DGKG: variants seen among roughly 807,000 people sequenced by gnomAD.
DGKG encodes the protein diacylglycerol kinase gamma, also known as DAG kinase gamma.
DGKG carries 78 observed loss-of-function variants against 105.3 expected under a neutral mutation model. The ratio of observed to expected loss-of-function variants is 0.74; its 90% CI spans 0.62 to 0.89. The LOEUF is 0.89. Ranked by LOEUF, DGKG falls within the 40% of genes least tolerant of loss-of-function variation. The pLI, the probability that DGKG is intolerant of heterozygous loss-of-function variation, is 0.00. For synonymous variants in DGKG, 346 were observed against 367.1 expected (o/e 0.94, Z 0.66); for missense variants, 958 against 1,020.1 (o/e 0.94, Z 0.83).
intron 1 of DGKG, among the ~76,000 whole-genome samples, chr3:186,350,925 CA>C (rs370576371): frequency 0.019 from 2,961 of 152,180 alleles, 97 homozygotes; most frequent in African/African-American, 0.068. Flanking sequence ...AGTTCTTTAT[CA>C]ATTTTTGAAT....
intron 21 of DGKG, among the ~76,000 whole-genome samples, chr3:186,194,577 C>T (rs567007603): frequency 6.6e-6 from 1 of 152,284 alleles, no homozygotes; most frequent in South Asian, 2.1e-4. Flanking sequence ...ATTCACCGTG[C>T]CACAGATTTG....
intron 3 of DGKG, among the ~76,000 whole-genome samples, chr3:186,306,106 C>A (rs1724223517): frequency 6.6e-6 from 1 of 152,078 alleles, no homozygotes; most frequent in Non-Finnish European, 1.5e-5. Context: ...AGGCCCTTGG[C>A]TATCTTGACT....
intron 22 of DGKG, among the ~76,000 whole-genome samples, chr3:186,180,474 TCAC>T (rs1204185398): frequency 4.6e-5 from 7 of 152,070 alleles, no homozygotes; most frequent in Non-Finnish European, 1.0e-4. Context: ...TCCCTAGGGG[TCAC>T]CTGTCTTGCT....
chr3:186,159,917 A>C (rs1716211389), intron 24 of DGKG: 1 of 152,388 alleles, frequency 6.6e-6, no homozygotes, highest in Non-Finnish European at 1.5e-5. Context: ...GTACAAACAC[A>C]GAGGAAAAGC....
chr3:186,262,895 G>A (rs1029630918), intron 14 of DGKG, among the ~76,000 whole-genome samples: 1 of 152,166 alleles, frequency 6.6e-6, no homozygotes, highest in Admixed American at 6.5e-5. Context: ...TTGGGAGGCC[G>A]GGGCAGGAGC....
chr3:186,176,013 A>G (rs1212998858), intron 22 of DGKG, among the ~76,000 whole-genome samples: 1 of 152,178 alleles, frequency 6.6e-6, no homozygotes, highest in African/African-American at 2.4e-5. Context: ...TTCAAAAAAT[A>G]AGCTCATTTG....
chr3:186,189,746 A>G (rs1040338568), intron 21 of DGKG, among the ~76,000 whole-genome samples: 1 of 152,192 alleles, frequency 6.6e-6, no homozygotes, highest in Non-Finnish European at 1.5e-5. Context: ...TTCCCCAACT[A>G]CAAGATGGCA....
At chr3:186,209,146 G>A (rs897627725) in intron 21 of DGKG, among the ~76,000 whole-genome samples, 1 of 140,082 alleles carries the variant, frequency 7.1e-6, no homozygotes. Flanking sequence ...TCTTGCGCAG[G>A]CTGGAGTGCA....
In DGKG at chr3:186,284,655, C is replaced by T; in HGVS notation, c.594+5G>A. ...CCATGAGGGATATTTAGAGTGAGAA[C>T]TTACCGCTTGGTCCAGGAGACCGTT... On this transcript the variant is annotated splice_donor_5th_base_variant and intron_variant, in intron 7 of 24. Coordinates refer to ENST00000265022, the MANE Select transcript of DGKG (RefSeq NM_001346.3). This position sits in a 1 kb window ranked among gnomAD's most constrained non-coding sequence, Gnocchi z 4.0. 3 of 1,613,270 alleles carry T rather than the reference C, an allele frequency of 1.9e-6. No individual in the cohort carries two copies.
At chr3:186,322,144 A>G (rs1345185306) in intron 1 of DGKG, among the ~76,000 whole-genome samples, 2 of 152,178 alleles carry the variant, frequency 1.3e-5, no homozygotes, top group Admixed American at 6.5e-5. Context: ...AAATATTGAA[A>G]TGTTTCCACA....
intron 7 of DGKG, 68 bp from the exon 8 acceptor site, chr3:186,280,812 T>A: frequency 2.1e-6 from 3 of 1,401,420 alleles, no homozygotes; most frequent in Non-Finnish European, 2.0e-6. Flanking sequence ...AGAGCCGAAC[T>A]CAAAATTAAG....
At chr3:186,170,214 G>T (rs1323664043) in intron 22 of DGKG, among the ~76,000 whole-genome samples, 1 of 152,224 alleles carries the variant, frequency 6.6e-6, no homozygotes, top group African/African-American at 2.4e-5. Context: ...TGTGAGCATA[G>T]GAGCTAGGCA....
intron 24 of DGKG, among the ~76,000 whole-genome samples, chr3:186,151,794 G>A (rs933230559): frequency 1.3e-5 from 2 of 152,200 alleles, no homozygotes; most frequent in Non-Finnish European, 2.9e-5. Flanking sequence ...TGTAAGCCAG[G>A]TTTACATTGA....
intron 20 of DGKG, among the ~76,000 whole-genome samples, chr3:186,214,243 C>A (rs1719173192): frequency 6.6e-6 from 1 of 152,134 alleles, no homozygotes; most frequent in South Asian, 2.1e-4. Flanking sequence ...GCTGTGTAAC[C>A]TTTGACAAGT....
intron 12 of DGKG, among the ~76,000 whole-genome samples, chr3:186,268,515 T>C (rs563675627): frequency 1.3e-5 from 2 of 152,300 alleles, no homozygotes; most frequent in African/African-American, 4.8e-5. Context: ...AAGTTCATAG[T>C]CGGGGCTGCT....
chr3:186,294,866 T>C (rs1723475264), intron 5 of DGKG, among the ~76,000 whole-genome samples: 1 of 152,196 alleles, frequency 6.6e-6, no homozygotes, highest in South Asian at 2.1e-4. Context: ...CCAGCAATTT[T>C]GTGGAGTCTT....
intron 20 of DGKG, 74 bp from the exon 21 acceptor site, chr3:186,211,959 G>C: frequency 8.1e-7 from 1 of 1,232,642 alleles, no homozygotes; most frequent in Non-Finnish European, 1.2e-6. Flanking sequence ...ATGTTCTTTG[G>C]ATTGGGAGGC....
At chr3:186,199,184 C>T (rs530282148) in intron 21 of DGKG, among the ~76,000 whole-genome samples, 6 of 152,180 alleles carry the variant, frequency 3.9e-5, no homozygotes, top group East Asian at 1.9e-4. Context: ...CTCTTGACCT[C>T]GTGATCTGCC....
chr3:186,297,140 G>A (rs566432128), intron 5 of DGKG, among the ~76,000 whole-genome samples: 2 of 149,268 alleles, frequency 1.3e-5, no homozygotes, highest in South Asian at 4.3e-4. Context: ...TTTCTGGGCA[G>A]GCAGACATAT....
Sources: allele counts gnomAD v4.1 joint callset (sites outside exome capture counted in the v4.1 genomes callset), GRCh38; gene constraint gnomAD v4.1.1; non-coding constraint Gnocchi (gnomAD v3.1); transcripts MANE v1.5; gene names NCBI Gene and HGNC (gene_info 2026-07-23, HGNC 2026-07-21).